ARNT2: variants seen among roughly 807,000 people sequenced by gnomAD.
The protein encoded by ARNT2 is ARNT protein 2.
A neutral mutation model predicts 91.7 loss-of-function variants in ARNT2; 36 were observed. The observed-to-expected ratio is 0.39, with a 90% confidence interval of 0.30 to 0.52. ARNT2 has a LOEUF of 0.52. Ranked by LOEUF, ARNT2 falls within the 20% of genes least tolerant of loss-of-function variation. The pLI, the probability that ARNT2 is intolerant of heterozygous loss-of-function variation, is 0.72. For missense variants in ARNT2, 775 were observed against 939.3 expected (o/e 0.83, Z 2.29); for synonymous variants, 365 against 347.1 (o/e 1.05, Z -0.57).
chr15:80,480,650 C>G (rs139074795), intron 5 of ARNT2, among the ~76,000 whole-genome samples: 1,671 of 152,274 alleles, frequency 0.011, 17 homozygotes, highest in Non-Finnish European at 0.018. Flanking sequence ...AGAATTGGGT[C>G]AGCATTTTGG....
intron 1 of ARNT2, among the ~76,000 whole-genome samples, chr15:80,416,059 A>G (rs1037885894): frequency 6.6e-6 from 1 of 152,224 alleles, no homozygotes; most frequent in African/African-American, 2.4e-5. Context: ...TGCTTAAAAA[A>G]TATTTGTTAA....
At chr15:80,538,673 C>G (rs1897859442) in intron 8 of ARNT2, among the ~76,000 whole-genome samples, 1 of 151,678 alleles carries the variant, frequency 6.6e-6, no homozygotes, top group South Asian at 2.1e-4. Context: ...GAATTATTAA[C>G]TAATGAAAAT....
chr15:80,505,379 TG>T (rs1290419289), intron 5 of ARNT2, among the ~76,000 whole-genome samples: 1 of 152,170 alleles, frequency 6.6e-6, no homozygotes, highest in Non-Finnish European at 1.5e-5. Context: ...AGATGTAAGG[TG>T]GTAGCACTTC....
chr15:80,498,255 C>G (rs1007891637), intron 5 of ARNT2, among the ~76,000 whole-genome samples: 1 of 152,126 alleles, frequency 6.6e-6, no homozygotes, highest in South Asian at 2.1e-4. Context: ...ATCATTGCCC[C>G]CTACCCCTAA....
chr15:80,462,765 C>T (rs1483886982), intron 3 of ARNT2, among the ~76,000 whole-genome samples: 1 of 152,216 alleles, frequency 6.6e-6, no homozygotes, highest in Non-Finnish European at 1.5e-5. Context: ...ACCAGTCCAA[C>T]ATTGTGCCTT....
chr15:80,580,181 A>C (rs984357167), intron 15 of ARNT2: 2 of 553,720 alleles, frequency 3.6e-6, no homozygotes, highest in African/African-American at 1.9e-5. Flanking sequence ...GAAGTACCAG[A>C]CTACTAGACA....
intron 3 of ARNT2, among the ~76,000 whole-genome samples, chr15:80,462,219 G>A (rs1435628157): frequency 1.3e-5 from 2 of 151,916 alleles, no homozygotes; most frequent in Non-Finnish European, 2.9e-5. Flanking sequence ...ACATTTTCTA[G>A]GGAGTTCCAG....
chr15:80,450,146 C>G (rs1896364461), intron 1 of ARNT2, among the ~76,000 whole-genome samples: 1 of 152,220 alleles, frequency 6.6e-6, no homozygotes, highest in African/African-American at 2.4e-5. Context: ...CCAAAATTAT[C>G]TGGCTTATAA....
intron 1 of ARNT2, among the ~76,000 whole-genome samples, chr15:80,440,933 T>C: frequency 6.6e-6 from 1 of 152,246 alleles, no homozygotes; most frequent in Middle Eastern, 3.2e-3. Context: ...CATTGTGCTA[T>C]AAAAATGCTA....
chr15:80,408,492 G>A (rs1005420167), intron 1 of ARNT2, among the ~76,000 whole-genome samples: 3 of 152,204 alleles, frequency 2.0e-5, no homozygotes, highest in South Asian at 2.1e-4. Flanking sequence ...GATGGCTGGC[G>A]TGTGAGGCAG....
At chr15:80,425,579 TA>T (rs944173552) in intron 1 of ARNT2, among the ~76,000 whole-genome samples, 2 of 152,196 alleles carry the variant, frequency 1.3e-5, no homozygotes, top group Non-Finnish European at 1.5e-5. Flanking sequence ...GTTTTGTTTT[TA>T]TTTTTTCCAA....
At chr15:80,422,259 A>G (rs1895871108) in intron 1 of ARNT2, among the ~76,000 whole-genome samples, 1 of 152,228 alleles carries the variant, frequency 6.6e-6, no homozygotes, top group Non-Finnish European at 1.5e-5. Flanking sequence ...ATAAAGAGAT[A>G]TTCAAACCTT....
intron 1 of ARNT2, among the ~76,000 whole-genome samples, chr15:80,411,662 G>C (rs1475414930): frequency 3.9e-5 from 6 of 152,018 alleles, no homozygotes; most frequent in African/African-American, 1.4e-4. Flanking sequence ...GAATTGAACA[G>C]TCGAATGTAT....
chr15:80,513,906 C>G lies in ARNT2; in HGVS notation c.726-5C>G. 2 of 1,611,566 alleles carry G rather than the reference C, an allele frequency of 1.2e-6. No individual in the cohort carries two copies. The highest frequency in any genetic ancestry group is 1.7e-6 in the Non-Finnish European group (2 of 1,177,746). ...GCTCATTCTAATACACTTGTCACAT[C>G]TTAGGTGTGGAAATGCTCCTTTGGA... On this transcript the variant is annotated splice_polypyrimidine_tract_variant and splice_region_variant and intron_variant, in intron 6 of 18. Coordinates refer to ENST00000303329, the MANE Select transcript of ARNT2 (RefSeq NM_014862.4).
chr15:80,507,772 G>A (rs559493383), intron 5 of ARNT2, among the ~76,000 whole-genome samples: 1 of 152,314 alleles, frequency 6.6e-6, no homozygotes, highest in Non-Finnish European at 1.5e-5. Context: ...GTCGCATAAA[G>A]CCCAGCAAAG....
intron 1 of ARNT2, among the ~76,000 whole-genome samples, chr15:80,428,928 C>T (rs767571136): frequency 6.6e-6 from 1 of 152,088 alleles, no homozygotes; most frequent in South Asian, 2.1e-4. Flanking sequence ...AAAAGATATA[C>T]GATCGATCTG....
At chr15:80,552,611 A>G in intron 9 of ARNT2, 29 bp from the exon 10 acceptor site, 1 of 1,610,970 alleles carries the variant, frequency 6.2e-7, no homozygotes, top group South Asian at 1.1e-5. Context: ...TGTCAACACC[A>G]CCTCAACTGT....
intron 12 of ARNT2, 117 bp downstream of exon 12, chr15:80,563,356 C>T: frequency 7.4e-7 from 1 of 1,355,874 alleles, no homozygotes; most frequent in Non-Finnish European, 1.0e-6. Context: ...CTGGAAATCC[C>T]TGTAGGATTA....
At chr15:80,444,133 G>A (rs997779746) in intron 1 of ARNT2, among the ~76,000 whole-genome samples, 3 of 152,178 alleles carry the variant, frequency 2.0e-5, no homozygotes, top group African/African-American at 4.8e-5. Context: ...TCCTTGCCAG[G>A]CGCTGCTTGA....
Sources: allele counts gnomAD v4.1 joint callset (sites outside exome capture counted in the v4.1 genomes callset), GRCh38; gene constraint gnomAD v4.1.1; transcripts MANE v1.5; gene names NCBI Gene and HGNC (gene_info 2026-07-23, HGNC 2026-07-21).